The following AP3D1 variants were observed in gnomAD, a reference collection of about 807,000 sequenced individuals.
The protein encoded by AP3D1 is adaptor related protein complex 3 subunit delta 1.
In AP3D1, 51 loss-of-function variants were observed where a neutral mutation model predicts 147.6. The ratio of observed to expected loss-of-function variants is 0.35; its 90% CI spans 0.28 to 0.44. The LOEUF (loss-of-function observed/expected upper bound fraction) is 0.44, where lower values mean the gene tolerates loss of function less well. Ranked by LOEUF, AP3D1 falls within the 20% of genes least tolerant of loss-of-function variation. The pLI, the probability that AP3D1 is intolerant of heterozygous loss-of-function variation, is 1.00. For missense variants in AP3D1, 1,421 were observed against 1,624.2 expected, an observed-to-expected ratio of 0.87 and a Z score of 2.15; for synonymous variants, 760 against 663.0, an observed-to-expected ratio of 1.15 and a Z score of -2.25.
intron 21 of AP3D1, 125 bp from the exon 22 acceptor site, chr19:2,114,427 T>C (rs1599449687): frequency 5.0e-6 from 4 of 805,616 alleles, no homozygotes; most frequent in East Asian, 2.6e-5. Flanking sequence ...GCCCCAGCCA[T>C]GGCCCAACAT....
chr19:2,137,673 C>G, intron 3 of AP3D1, 54 bp downstream of exon 3: 1 of 1,500,912 alleles, frequency 6.7e-7, no homozygotes. Flanking sequence ...GTCACGGTGC[C>G]TCACACCTGT....
chr19:2,142,337 T>C (rs1017038463), intron 1 of AP3D1, among the ~76,000 whole-genome samples: 4 of 151,552 alleles, frequency 2.6e-5, no homozygotes, highest in African/African-American at 4.8e-5. Flanking sequence ...TTTTGTAGAG[T>C]TGGGGTCTCA....
At chr19:2,107,463 G>A (rs529141141) in intron 31 of AP3D1, among the ~76,000 whole-genome samples, 8 of 151,964 alleles carry the variant, frequency 5.3e-5, no homozygotes, top group Admixed American at 2.0e-4. Flanking sequence ...AATAAAGGCC[G>A]GGCGCGGTGG....
intron 5 of AP3D1, among the ~76,000 whole-genome samples, chr19:2,131,568 G>A (rs1419079336): frequency 3.6e-5 from 5 of 138,284 alleles, no homozygotes; most frequent in African/African-American, 1.5e-4. Flanking sequence ...CGGGGACAGC[G>A]CCCATCGGCC....
rs765108332 is a variant in AP3D1, at chr19:2,117,266, G to A, written c.1815C>T (p.Asn605=). ...TCTTCTGGGCCTTGGGGGCCACTGG[G>A]TTCAGCTCCCCAGCAAAGAGAGCGC... The part of the protein sequence containing the change: ...EVSALFAGEL[N]PVAPKAQKKV... Residue 605 remains asparagine, a synonymous_variant, in exon 16 of 32, where the codon AAC becomes AAT. Coordinates refer to ENST00000643116, the MANE Select transcript of AP3D1 (RefSeq NM_001261826.3). 22 of 1,612,652 alleles carry A rather than the reference G, an allele frequency of 1.4e-5. No homozygotes were observed. In the African/African-American group the frequency reaches 2.3e-4, roughly 17 times the overall value.
chr19:2,103,384 C>T (rs2018013862), intron 31 of AP3D1, among the ~76,000 whole-genome samples: 1 of 152,174 alleles, frequency 6.6e-6, no homozygotes, highest in South Asian at 2.1e-4. Flanking sequence ...AGCTCCTGAG[C>T]TAGCAGACAG....
At chr19:2,114,658 A>G in intron 21 of AP3D1, 90 bp downstream of exon 21, 5 of 521,324 alleles carry the variant, frequency 9.6e-6, no homozygotes, top group Non-Finnish European at 1.4e-5. Flanking sequence ...CCCACCCTGC[A>G]GAGCCCGGCC....
intron 4 of AP3D1, among the ~76,000 whole-genome samples, chr19:2,132,927 G>A (rs976693705): frequency 6.6e-6 from 1 of 152,174 alleles, no homozygotes; most frequent in Admixed American, 6.5e-5. Context: ...GGACAGAGAG[G>A]TCTGAGGCAC....
At chr19:2,131,680 CCCAT>C in intron 5 of AP3D1, among the ~76,000 whole-genome samples, 1 of 75,786 alleles carries the variant, frequency 1.3e-5, no homozygotes, top group African/African-American at 4.5e-5. Flanking sequence ...GGGGACTGCG[CCCAT>C]CGGCCACGAT....
intron 1 of AP3D1, among the ~76,000 whole-genome samples, chr19:2,156,579 G>A (rs573614407): frequency 1.3e-5 from 2 of 150,058 alleles, no homozygotes; most frequent in South Asian, 2.2e-4. Flanking sequence ...GGCAGGGCGC[G>A]GTGGCTCACG....
At chr19:2,116,154 G>A (rs970826343) in intron 18 of AP3D1, 53 bp downstream of exon 18, 42 of 1,567,558 alleles carry the variant, frequency 2.7e-5, no homozygotes, top group Non-Finnish European at 3.2e-5. Flanking sequence ...CGCGGGGCTC[G>A]GGTGGTGAGG....
At chr19:2,126,195 A>G (rs1030887707) in intron 9 of AP3D1, among the ~76,000 whole-genome samples, 4 of 152,138 alleles carry the variant, frequency 2.6e-5, no homozygotes, top group African/African-American at 4.8e-5. Flanking sequence ...GGGCCCTCCT[A>G]CTGGTGAGAA....
chr19:2,151,935 C>G (rs934781908), upstream of AP3D1, among the ~76,000 whole-genome samples: 1 of 152,236 alleles, frequency 6.6e-6, no homozygotes, highest in Non-Finnish European at 1.5e-5. Flanking sequence ...GACTGGAGCT[C>G]CGCCTTTCCT....
At chr19:2,146,997 G>A (rs1458555704) in intron 1 of AP3D1, among the ~76,000 whole-genome samples, 2 of 151,152 alleles carry the variant, frequency 1.3e-5, no homozygotes, top group Admixed American at 6.7e-5. Context: ...CCACAGTGGT[G>A]AGGGGCAGAC....
Position 2,118,778 on chromosome 19 carries a change from G to A in AP3D1, c.1536C>T (p.Thr512=), listed in dbSNP as rs771165840. 69 of 1,613,664 alleles carry A rather than the reference G, an allele frequency of 4.3e-5. No individual in the cohort carries two copies. The highest frequency in any genetic ancestry group is 5.7e-5 in the Non-Finnish European group (67 of 1,180,024). The change falls in exon 15 of 32, where the codon ACC becomes ACT. Residue 512 remains threonine, a synonymous_variant. Transcript: ENST00000643116. ...CGGCCTGGATGTGGCCTGGCAGCGT[G>A]GTGACTCTGGGCCGCAGCATGGCCT... ...TLEAMLRPRV[T]TLPGHIQAVY... is the part of the protein sequence containing the mutation.
chr19:2,125,254 A>C (rs1256034807), intron 9 of AP3D1, among the ~76,000 whole-genome samples: 1 of 152,230 alleles, frequency 6.6e-6, no homozygotes, highest in Non-Finnish European at 1.5e-5. Flanking sequence ...ATGCATATTC[A>C]CGCATGCAAG....
At position 2,111,263 on chromosome 19, in the gene AP3D1, C is replaced by A. The variant is rs200493736; in HGVS notation, c.2985+22G>T. 11 of 1,613,788 alleles carry A rather than the reference C, an allele frequency of 6.8e-6. No individual in the cohort carries two copies. In the African/African-American group the frequency reaches 1.2e-4, roughly 18 times the overall value. On this transcript the variant is annotated intron_variant, in intron 26 of 31. Coordinates refer to ENST00000643116, the MANE Select transcript of AP3D1 (RefSeq NM_001261826.3). ...AGAGTGTGGGCTGGCCCACCCTGCC[C>A]CTGGGAGCGGCTGCCACTCACCATT...
chr19:2,141,020 A>C lies in AP3D1; in HGVS notation c.97-2306T>G, dbSNP rs112934101. Reference sequence around the variant, plus strand: ...GTGATCTGCTCGCCTCAGCCTCCCAAAGTGCCAGGATAACAGGCATGAGCC... The same window carrying C: ...GTGATCTGCTCGCCTCAGCCTCCCACAGTGCCAGGATAACAGGCATGAGCC... On this transcript the variant is annotated intron_variant, in intron 1 of 31. Transcript: ENST00000643116. Among the ~76,000 whole-genome samples the C allele has an allele frequency of 4.1e-4, 63 of 152,208 alleles. 1 individual carries two copies. Among genetic ancestry groups the C allele is most frequent in the African/African-American group, 1.5e-3 (62 of 41,524 alleles).
intron 31 of AP3D1, among the ~76,000 whole-genome samples, chr19:2,104,245 C>T (rs951045982): frequency 4.0e-5 from 6 of 151,122 alleles, no homozygotes; most frequent in African/African-American, 1.5e-4. Context: ...GAAACCCAGA[C>T]CCCAACACCG....
Sources: gnomAD v4.1 joint callset for allele counts (sites outside exome capture counted in the v4.1 genomes callset) on GRCh38, gnomAD v4.1.1 for gene constraint, MANE v1.5 for transcripts, NCBI Gene and HGNC (gene_info 2026-07-23, HGNC 2026-07-21) for gene names.